The following PSD3 variants were observed in gnomAD, a reference collection of about 807,000 sequenced individuals.
PSD3 encodes PH and SEC7 domain-containing protein 3.
A neutral mutation model predicts 105.5 loss-of-function variants in PSD3; 49 were observed. The ratio of observed to expected loss-of-function variants is 0.46; its 90% CI spans 0.37 to 0.59. The LOEUF (loss-of-function observed/expected upper bound fraction) is 0.59. Among genes scored for constraint, PSD3 ranks in the 20% least tolerant of loss-of-function variants. The pLI is 0.00. For synonymous variants in PSD3, 557 were observed against 457.8 expected, an observed-to-expected ratio of 1.22 and a Z score of -2.77; for missense variants, 1,561 against 1,263.8, an observed-to-expected ratio of 1.24 and a Z score of -3.57.
At chr8:18,579,264 G>A (rs1179028679) in intron 12 of PSD3, among the ~76,000 whole-genome samples, 2 of 152,110 alleles carry the variant, frequency 1.3e-5, no homozygotes, top group Admixed American at 1.3e-4. Flanking sequence ...TTAAATGGTA[G>A]AATTGGGCAG....
chr8:18,801,447 T>A, intron 6 of PSD3, 65 bp from the exon 7 acceptor site: 1 of 844,680 alleles, frequency 1.2e-6, no homozygotes, highest in Non-Finnish European at 1.9e-6. Flanking sequence ...CTTTCATAGT[T>A]AAAAGTCAAT....
intron 9 of PSD3, among the ~76,000 whole-genome samples, chr8:18,661,065 A>G (rs752739036): frequency 3.9e-5 from 6 of 152,166 alleles, no homozygotes; most frequent in Non-Finnish European, 7.4e-5. Flanking sequence ...AAGCTTTTCT[A>G]CATTACCATG....
intron 9 of PSD3, among the ~76,000 whole-genome samples, chr8:18,659,628 T>C (rs1809181172): frequency 6.6e-6 from 1 of 152,234 alleles, no homozygotes; most frequent in Admixed American, 6.5e-5. Flanking sequence ...TAATAAGACT[T>C]GTGCCTCTCT....
intron 9 of PSD3, among the ~76,000 whole-genome samples, chr8:18,684,411 T>C (rs1308310304): frequency 6.6e-6 from 1 of 152,060 alleles, no homozygotes; most frequent in Non-Finnish European, 1.5e-5. Context: ...TCAAGTAATC[T>C]CCAAGGCACC....
At chr8:19,080,964 G>C (rs1829625793) in intron 1 of PSD3, among the ~76,000 whole-genome samples, 1 of 152,112 alleles carries the variant, frequency 6.6e-6, no homozygotes, top group Non-Finnish European at 1.5e-5. Context: ...CGATGATAGA[G>C]AAAGCTTTTC....
chr8:18,607,974 C>T (rs1804977637), intron 11 of PSD3, among the ~76,000 whole-genome samples: 1 of 152,142 alleles, frequency 6.6e-6, no homozygotes, highest in African/African-American at 2.4e-5. Context: ...ATCATGAGAA[C>T]AGCATGAGAG....
chr8:18,626,627 T>G (rs1806499908), intron 11 of PSD3, among the ~76,000 whole-genome samples: 1 of 152,160 alleles, frequency 6.6e-6, no homozygotes, highest in Non-Finnish European at 1.5e-5. Context: ...GCAGGTTGTG[T>G]AAGTCCTTAC....
chr8:18,663,223 T>C (rs1220202768), intron 9 of PSD3, among the ~76,000 whole-genome samples: 1 of 152,044 alleles, frequency 6.6e-6, no homozygotes, highest in Non-Finnish European at 1.5e-5. Flanking sequence ...GCCCAGGAGT[T>C]CGAAACCAGC....
intron 15 of PSD3, among the ~76,000 whole-genome samples, chr8:18,540,841 C>T (rs375510608): frequency 5.9e-5 from 9 of 152,272 alleles, no homozygotes; most frequent in African/African-American, 2.2e-4. Flanking sequence ...TTAAAATGCC[C>T]TAGAAAACCC....
rs768581972 is a variant in PSD3 at position 19,013,568 on chromosome 8, C to T, written c.16G>A (p.Ala6Thr). Reference protein sequence around the residue: MEGRSAAAETFVWVNN... With the variant: MEGRSTAAETFVWVNN... ...GCCCCGGCCCCGGAGCTCACCGCTGCGCTCCTTCCTTCCATCTTCCATCGC... is the reference window on the plus strand; with the variant it reads ...GCCCCGGCCCCGGAGCTCACCGCTGTGCTCCTTCCTTCCATCTTCCATCGC... Residue 6 changes from alanine to threonine, a missense_variant, in exon 1 of 16, where the codon GCA becomes ACA. Coordinates refer to ENST00000327040, the MANE Select transcript of PSD3 (RefSeq NM_015310.4). 1.3e-6 allele frequency: 2 copies of T among 1,552,252 alleles called. No homozygotes were observed. Among genetic ancestry groups the T allele is most frequent in the Admixed American group, 3.7e-5 (2 of 54,692 alleles).
At chr8:19,009,586 C>T (rs1392323942) in intron 1 of PSD3, among the ~76,000 whole-genome samples, 2 of 152,152 alleles carry the variant, frequency 1.3e-5, no homozygotes, top group Admixed American at 6.5e-5. Context: ...TCGAAATAAG[C>T]GTTTTCCAAA....
At chr8:18,722,856 A>T (rs182153031) in intron 9 of PSD3, among the ~76,000 whole-genome samples, 6 of 152,130 alleles carry the variant, frequency 3.9e-5, no homozygotes, top group Admixed American at 6.5e-5. Context: ...TGCCCTCCAA[A>T]CTCTAATTTT....
At chr8:18,681,446 C>CA (rs528679351) in intron 9 of PSD3, among the ~76,000 whole-genome samples, 2,697 of 61,934 alleles carry the variant, frequency 0.044, 85 homozygotes, top group South Asian at 0.084. Context: ...GTTTCTGTTT[C>CA]AAAAAAAAAA....
At chr8:18,893,145 A>G (rs1818920164) in intron 2 of PSD3, among the ~76,000 whole-genome samples, 1 of 152,200 alleles carries the variant, frequency 6.6e-6, no homozygotes, top group Non-Finnish European at 1.5e-5. Context: ...CTGGGCAAGA[A>G]GCACTTTGAT....
At chr8:18,890,592 C>T (rs191638222) in intron 2 of PSD3, among the ~76,000 whole-genome samples, 238 of 152,256 alleles carry the variant, frequency 1.6e-3, no homozygotes, top group Middle Eastern at 6.8e-3. Flanking sequence ...ACGACCCTCC[C>T]GGTAAGCTCG....
At position 18,872,462 on chromosome 8, in the gene PSD3, C is replaced by A. The variant is rs1365330927; in HGVS notation, c.402G>T (p.Leu134Phe). 1.9e-6 allele frequency: 3 copies of A among 1,614,032 alleles called. No homozygotes were observed. Among genetic ancestry groups the A allele is most frequent in the Admixed American group, 3.3e-5 (2 of 60,008 alleles). The stretch of plus-strand genomic sequence containing the variant: ...CTTCTGTGGCTTTCAGAGCTGAAAT[C>A]AAAGAGTCAATGGGCTGTAAACTTT... Reference protein sequence around the residue: ...KEQSLQPIDSLISALKATEAR... With the variant: ...KEQSLQPIDSFISALKATEAR... The change falls in exon 3 of 16, where the codon TTG becomes TTT. Residue 134 changes from leucine (L) to phenylalanine (F), a missense_variant. Transcript: ENST00000327040.
intron 4 of PSD3, among the ~76,000 whole-genome samples, chr8:18,837,603 A>C (rs1456406357): frequency 6.6e-6 from 1 of 152,104 alleles, no homozygotes; most frequent in Non-Finnish European, 1.5e-5. Context: ...TCACTGGCAA[A>C]AGATGATAAA....
intron 1 of PSD3, among the ~76,000 whole-genome samples, chr8:18,975,523 C>G (rs1285940342): frequency 6.6e-6 from 1 of 151,948 alleles, no homozygotes; most frequent in Admixed American, 6.6e-5. Flanking sequence ...TTACCCAAGT[C>G]CCTCATTCTT....
chr8:18,861,463 C>T lies in PSD3; in HGVS notation c.1634+6211G>A, dbSNP rs548399976. ...AAGTCTCTCCAGTGACCTTCAGTCC[C>T]ATATTCCCACCAGCACTTCACAAGT... is the stretch of plus-strand genomic sequence containing the variant. On this transcript the variant is annotated intron_variant, in intron 4 of 15. Coordinates refer to ENST00000327040, the MANE Select transcript of PSD3 (RefSeq NM_015310.4). Among the ~76,000 whole-genome samples, 123 of 152,240 alleles carry T rather than the reference C, an allele frequency of 8.1e-4. 2 individuals carry two copies. Among genetic ancestry groups the T allele is most frequent in the Non-Finnish European group, 1.3e-3 (91 of 68,012 alleles).
Sources: allele counts gnomAD v4.1 joint callset (sites outside exome capture counted in the v4.1 genomes callset), GRCh38; gene constraint gnomAD v4.1.1; transcripts MANE v1.5; gene names NCBI Gene and HGNC (gene_info 2026-07-23, HGNC 2026-07-21).